UNC5C: variants seen among roughly 807,000 people sequenced by gnomAD.
UNC5C encodes the protein netrin receptor UNC5C.
UNC5C carries 47 observed loss-of-function variants against 99.8 expected under a neutral mutation model. The ratio of observed to expected loss-of-function variants is 0.47; its 90% CI spans 0.37 to 0.60. UNC5C has a LOEUF of 0.60. Among genes scored for constraint, UNC5C ranks in the 20% least tolerant of loss-of-function variants. The pLI, the probability that UNC5C is intolerant of heterozygous loss-of-function variation, is 0.00. For synonymous variants in UNC5C, 487 were observed against 452.2 expected, an observed-to-expected ratio of 1.08 and a Z score of -0.98; for missense variants, 1,062 against 1,165.9, an observed-to-expected ratio of 0.91 and a Z score of 1.30.
rs139494719 is a variant in UNC5C, at chr4:95,170,097, T to C, written c.2630+57A>G. On this transcript the variant is annotated intron_variant, in intron 15 of 15. Transcript: ENST00000453304. ...AAGCTAACCCTACGTCTAATAGTTA[T>C]CGGTCCTGGAGGGCACTAACAGAAA... 3.2e-4 allele frequency: 498 copies of C among 1,563,324 alleles called. No individual in the cohort carries two copies. The African/African-American group carries it at 5.0e-3, about 16-fold the overall frequency.
intron 1 of UNC5C, among the ~76,000 whole-genome samples, chr4:95,451,610 T>C (rs1033874079): frequency 1.3e-5 from 2 of 152,184 alleles, no homozygotes; most frequent in African/African-American, 4.8e-5. Flanking sequence ...TAATCTTTTA[T>C]TAGTAAGAAA....
chr4:95,385,095 A>G (rs548556168), intron 1 of UNC5C, among the ~76,000 whole-genome samples: 4 of 152,182 alleles, frequency 2.6e-5, no homozygotes, highest in Non-Finnish European at 5.9e-5. Context: ...AAATGTTCTC[A>G]ACCATTAGAA....
chr4:95,303,442 A>C (rs1461394019), intron 2 of UNC5C, among the ~76,000 whole-genome samples: 1 of 152,060 alleles, frequency 6.6e-6, no homozygotes, highest in African/African-American at 2.4e-5. Context: ...TTGGGAGGCC[A>C]AGGCAGGCGG....
intron 3 of UNC5C, among the ~76,000 whole-genome samples, chr4:95,285,320 T>C (rs1741194758): frequency 6.6e-6 from 1 of 152,186 alleles, no homozygotes; most frequent in Admixed American, 6.5e-5. Flanking sequence ...CTAGTGGAAA[T>C]CTAAATCCTT....
At chr4:95,428,201 A>C (rs534127910) in intron 1 of UNC5C, among the ~76,000 whole-genome samples, 6 of 152,024 alleles carry the variant, frequency 3.9e-5, no homozygotes, top group Non-Finnish European at 8.8e-5. Flanking sequence ...CATGCATCCT[A>C]GGGCAGAAAA....
In UNC5C at chr4:95,219,217, G is replaced by T; in HGVS notation, c.1397C>A (p.Thr466Asn). The change falls in exon 9 of 16, where the codon ACC becomes AAC. Residue 466 changes from threonine (T) to asparagine (N), a missense_variant. Around this residue, in one of 3 missense-constraint regions of UNC5C, gnomAD observed 810 missense variants for 854.5 expected, o/e 0.95. Transcript: ENST00000453304. ...LHDVSDKIPM[T>N]NSPILDPLPN... The stretch of plus-strand genomic sequence containing the variant: ...CAGTGGATCCAGAATTGGAGAGTTG[G>T]TCATTGGGATTTTGTCTGAGACGTC... 4 of 1,614,180 alleles carry T rather than the reference G, an allele frequency of 2.5e-6. No individual in the cohort carries two copies. The highest frequency in any genetic ancestry group is 1.1e-5 in the South Asian group (1 of 91,084).
At chr4:95,371,124 A>T (rs1488287511) in intron 1 of UNC5C, among the ~76,000 whole-genome samples, 1 of 152,194 alleles carries the variant, frequency 6.6e-6, no homozygotes, top group East Asian at 1.9e-4. Flanking sequence ...AACATTGTTT[A>T]GTCCAAAAAA....
intron 4 of UNC5C, among the ~76,000 whole-genome samples, chr4:95,266,280 A>G (rs1438858840): frequency 6.6e-6 from 1 of 152,196 alleles, no homozygotes; most frequent in Non-Finnish European, 1.5e-5. Context: ...GCCTTTCTAC[A>G]TGGGGACCAA....
intron 1 of UNC5C, among the ~76,000 whole-genome samples, chr4:95,433,138 T>C (rs1355217251): frequency 2.6e-5 from 4 of 152,144 alleles, no homozygotes; most frequent in Non-Finnish European, 5.9e-5. Context: ...AGTTGAGGAT[T>C]GATGCATTCT....
At chr4:95,510,213 T>C (rs531667772) in intron 1 of UNC5C, among the ~76,000 whole-genome samples, 1 of 152,154 alleles carries the variant, frequency 6.6e-6, no homozygotes, top group Admixed American at 6.6e-5. Flanking sequence ...ATTAGACATA[T>C]GTTTATTAAA....
At chr4:95,445,622 A>G (rs1431983696) in intron 1 of UNC5C, among the ~76,000 whole-genome samples, 2 of 152,232 alleles carry the variant, frequency 1.3e-5, no homozygotes, top group Non-Finnish European at 2.9e-5. Context: ...TAATATGTCT[A>G]GTATGAAGGA....
At position 95,278,330 on chromosome 4, in the gene UNC5C, C is replaced by G; in HGVS notation, c.523G>C (p.Gly175Arg). ...LRKTFEQEPL[G>R]KEVSLEQEVL... The stretch of plus-strand genomic sequence containing the variant: ...TCCTGTTCCAAAGACACTTCCTTTC[C>G]TAGGGGTTCCTGCTCAAATGTCTTC... The change falls in exon 4 of 16, where the codon GGA (glycine) becomes CGA (arginine). Residue 175 changes from glycine to arginine, a missense_variant. Gly to Arg is a moderately radical substitution (Grantham distance 125, BLOSUM62 -2). Coordinates refer to ENST00000453304, the MANE Select transcript of UNC5C (RefSeq NM_003728.4). The G allele has an allele frequency of 6.2e-7, 1 of 1,614,068 alleles. No homozygotes were observed. Among genetic ancestry groups the G allele is most frequent in the Non-Finnish European group, 8.5e-7 (1 of 1,180,000 alleles).
intron 1 of UNC5C, among the ~76,000 whole-genome samples, chr4:95,424,232 C>G (rs539338846): frequency 6.6e-6 from 1 of 151,996 alleles, no homozygotes; most frequent in Non-Finnish European, 1.5e-5. Context: ...ACCGGAATAA[C>G]CTTTGACATC....
intron 1 of UNC5C, among the ~76,000 whole-genome samples, chr4:95,445,897 T>TA (rs1449731307): frequency 6.6e-6 from 1 of 151,688 alleles, no homozygotes; most frequent in Admixed American, 6.6e-5. Context: ...CTGTTATTAT[T>TA]AAGATAGCAC....
chr4:95,219,513 G>A (rs544627924), intron 8 of UNC5C, among the ~76,000 whole-genome samples, 200 bp from the exon 9 acceptor site: 2 of 152,264 alleles, frequency 1.3e-5, no homozygotes, highest in East Asian at 1.9e-4. Context: ...AAGTGGTCAA[G>A]CTCATTCTAT....
intron 1 of UNC5C, among the ~76,000 whole-genome samples, chr4:95,398,044 C>CTTTTTTTTTTTTTTTTTTTTTTT (rs34609153): frequency 1.5e-4 from 14 of 95,920 alleles, no homozygotes; most frequent in African/African-American, 2.9e-4. Flanking sequence ...CCAAATGTAG[C>CTTTTTTTTTTTTTTTTTTTTTTT]TTTTTTTTTT....
chr4:95,482,335 C>CG (rs1375896322), intron 1 of UNC5C, among the ~76,000 whole-genome samples: 1 of 151,280 alleles, frequency 6.6e-6, no homozygotes, highest in East Asian at 2.0e-4. Flanking sequence ...GTTAGAATGG[C>CG]AGTCATTAAA....
intron 14 of UNC5C, among the ~76,000 whole-genome samples, chr4:95,177,535 G>A (rs1449352956): frequency 6.6e-6 from 1 of 152,198 alleles, no homozygotes; most frequent in East Asian, 1.9e-4. Flanking sequence ...CACATTCTGC[G>A]ATCAGCAGCA....
At chr4:95,330,082 A>G (rs1356517649) in intron 2 of UNC5C, among the ~76,000 whole-genome samples, 5 of 152,034 alleles carry the variant, frequency 3.3e-5, no homozygotes, top group African/African-American at 1.2e-4. Context: ...TGGTTGAAAA[A>G]CTGATCTTTA....
Sources: allele counts gnomAD v4.1 joint callset (sites outside exome capture counted in the v4.1 genomes callset), GRCh38; gene constraint gnomAD v4.1.1; regional missense constraint gnomAD v4.1.1; transcripts MANE v1.5; gene names NCBI Gene and HGNC (gene_info 2026-07-23, HGNC 2026-07-21).